Variants in PDE4D observed in about 807,000 individuals in gnomAD.
The protein encoded by PDE4D is phosphodiesterase 4D.
In PDE4D, 24 loss-of-function variants were observed where a neutral mutation model predicts 87.4. The ratio of observed to expected loss-of-function variants is 0.27; its 90% CI spans 0.20 to 0.39. PDE4D has a LOEUF of 0.39. PDE4D is among the 10% of genes least tolerant of loss of function. The probability of loss-of-function intolerance (pLI) is 1.00; values close to 1 mark genes in which losing one functional copy is unlikely to be tolerated. For missense variants in PDE4D, 714 were observed against 1,041.0 expected, an observed-to-expected ratio of 0.69 and a Z score of 4.32; for synonymous variants, 384 against 383.2, an observed-to-expected ratio of 1.00 and a Z score of -0.02.
chr5:60,034,947 A>G (rs1013591640), intron 2 of PDE4D, among the ~76,000 whole-genome samples: 2 of 152,162 alleles, frequency 1.3e-5, no homozygotes, highest in African/African-American at 4.8e-5. Context: ...GGTAGCCTGG[A>G]AGATCATCCA....
At chr5:60,131,520 G>A (rs550042333) in intron 2 of PDE4D, among the ~76,000 whole-genome samples, 48 of 152,128 alleles carry the variant, frequency 3.2e-4, no homozygotes, top group Non-Finnish European at 6.3e-4. Flanking sequence ...GAGATCTTGC[G>A]TTTATATTAT....
chr5:60,325,902 A>G (rs74399877), intron 1 of PDE4D, among the ~76,000 whole-genome samples: 8,839 of 152,136 alleles, frequency 0.058, 841 homozygotes, highest in African/African-American at 0.2. Context: ...ATGTTATATA[A>G]TTTGAATCAT....
chr5:60,431,433 C>T (rs1344058095), intron 1 of PDE4D, among the ~76,000 whole-genome samples: 20 of 147,110 alleles, frequency 1.4e-4, no homozygotes, highest in African/African-American at 2.5e-4. Flanking sequence ...ACATCCCAGA[C>T]GGGGCGGCGG....
intron 5 of PDE4D, among the ~76,000 whole-genome samples, chr5:59,059,454 G>A (rs965994285): frequency 2.0e-5 from 3 of 152,166 alleles, no homozygotes; most frequent in African/African-American, 7.2e-5. Flanking sequence ...TCTCTCGTGA[G>A]ACTTTAGGAC....
chr5:59,089,707 T>C (rs999635076), intron 5 of PDE4D, among the ~76,000 whole-genome samples: 1 of 152,142 alleles, frequency 6.6e-6, no homozygotes, highest in Non-Finnish European at 1.5e-5. Context: ...GAAACCAGAT[T>C]TTTAATCTTA....
intron 8 of PDE4D, 35 bp downstream of exon 8, chr5:58,991,797 A>G: frequency 7.5e-7 from 1 of 1,324,836 alleles, no homozygotes; most frequent in South Asian, 2.0e-5. Context: ...GGCATCATTT[A>G]ATATTTATGA....
chr5:60,354,662 G>T (rs1182618748), intron 1 of PDE4D, among the ~76,000 whole-genome samples: 1 of 152,146 alleles, frequency 6.6e-6, no homozygotes, highest in Non-Finnish European at 1.5e-5. Context: ...ACAATTGGAG[G>T]TTGGGGCATT....
chr5:60,098,607 G>T (rs1775929981), intron 2 of PDE4D, among the ~76,000 whole-genome samples: 1 of 151,876 alleles, frequency 6.6e-6, no homozygotes, highest in Admixed American at 6.6e-5. Context: ...AAATGCAACT[G>T]GATTTTGTAT....
chr5:60,472,938 C>T (rs992639630), intron 1 of PDE4D, among the ~76,000 whole-genome samples: 1 of 152,000 alleles, frequency 6.6e-6, no homozygotes, highest in Non-Finnish European at 1.5e-5. Flanking sequence ...TAAGCTATGA[C>T]ATTTGATAGG....
chr5:59,043,316 G>A (rs970864187), intron 5 of PDE4D, among the ~76,000 whole-genome samples: 1 of 152,210 alleles, frequency 6.6e-6, no homozygotes, highest in African/African-American at 2.4e-5. Flanking sequence ...GAAGTCAAGA[G>A]ATCAAGACCA....
At chr5:59,319,153 C>T (rs967184542) in intron 1 of PDE4D, among the ~76,000 whole-genome samples, 4 of 119,012 alleles carry the variant, frequency 3.4e-5, no homozygotes, top group Non-Finnish European at 5.3e-5. Flanking sequence ...TGAGAGAGTA[C>T]ATATATATGT....
At chr5:60,280,529 A>G (rs1404712080) in intron 1 of PDE4D, among the ~76,000 whole-genome samples, 1 of 152,184 alleles carries the variant, frequency 6.6e-6, no homozygotes, top group Admixed American at 6.5e-5. Flanking sequence ...AGTAGCTTAA[A>G]TAAAACAAGA....
intron 1 of PDE4D, among the ~76,000 whole-genome samples, chr5:59,638,145 T>A (rs905167221): frequency 6.6e-6 from 1 of 152,104 alleles, no homozygotes; most frequent in Non-Finnish European, 1.5e-5. Flanking sequence ...GTAAAGTGAT[T>A]TGAGAAGGGA....
intron 1 of PDE4D, among the ~76,000 whole-genome samples, chr5:59,414,962 A>C (rs1793351594): frequency 6.6e-6 from 1 of 152,192 alleles, no homozygotes; most frequent in Non-Finnish European, 1.5e-5. Flanking sequence ...TGAACTGTGG[A>C]GAGTATGATA....
At chr5:59,881,744 AGT>A (rs1190609997) in intron 1 of PDE4D, among the ~76,000 whole-genome samples, 1 of 152,210 alleles carries the variant, frequency 6.6e-6, no homozygotes, top group Non-Finnish European at 1.5e-5. Flanking sequence ...AGGAGTTTAT[AGT>A]TTGGTGAAAG....
At chr5:59,282,226 A>T (rs1765937813) in intron 1 of PDE4D, among the ~76,000 whole-genome samples, 1 of 152,212 alleles carries the variant, frequency 6.6e-6, no homozygotes, top group African/African-American at 2.4e-5. Context: ...GCAAAAATTT[A>T]AAATTAACTT....
chr5:59,053,973 A>G (rs1020321338), intron 5 of PDE4D, among the ~76,000 whole-genome samples: 1 of 151,946 alleles, frequency 6.6e-6, no homozygotes, highest in Admixed American at 6.6e-5. Context: ...TTCATCCACT[A>G]TTTCACTAGG....
In PDE4D at chr5:60,324,415, C is replaced by T. The variant is rs146279083; in HGVS notation, c.-89-138728G>A. ...GCACAGTGCCTAAAAGATGACAGGT[C>T]TCAAAAAGTGTCTCTTGAAAGAACA... On this transcript the variant is annotated intron_variant, in intron 1 of 16. Transcript: ENST00000502484. 1.3e-3 allele frequency among the ~76,000 whole-genome samples: 198 copies of T among 152,284 alleles called. 1 individual carries two copies. Among genetic ancestry groups the T allele is most frequent in the African/African-American group, 4.6e-3 (193 of 41,554 alleles).
chr5:59,180,836 C>T (rs1468066702), intron 4 of PDE4D, among the ~76,000 whole-genome samples, 192 bp from the exon 5 acceptor site: 4 of 152,092 alleles, frequency 2.6e-5, no homozygotes, highest in Non-Finnish European at 1.5e-5. Context: ...TCACACATGT[C>T]CAAAAAGAAA....
Sources: gnomAD v4.1 joint callset for allele counts (sites outside exome capture counted in the v4.1 genomes callset) on GRCh38, gnomAD v4.1.1 for gene constraint, MANE v1.5 for transcripts, NCBI Gene and HGNC (gene_info 2026-07-23, HGNC 2026-07-21) for gene names.